FUT8: variants seen among roughly 807,000 people sequenced by gnomAD.
FUT8 encodes the protein alpha-(1,6)-fucosyltransferase.
FUT8 carries 29 observed loss-of-function variants against 71.3 expected under a neutral mutation model. The ratio of observed to expected loss-of-function variants is 0.41; its 90% CI spans 0.30 to 0.55. FUT8 has a LOEUF of 0.55. Ranked by LOEUF, FUT8 falls within the 20% of genes least tolerant of loss-of-function variation. FUT8 has a pLI of 0.34. For synonymous variants in FUT8, 254 were observed against 239.3 expected (o/e 1.06, Z -0.57); for missense variants, 544 against 702.1 (o/e 0.77, Z 2.55).
At chr14:65,363,619 C>T in the FUT8 span, among the ~76,000 whole-genome samples, 3 of 152,186 alleles carry the variant, frequency 2.0e-5, no homozygotes, top group Non-Finnish European at 4.4e-5. Flanking sequence ...GAGATGCCCT[C>T]TCTATACTGG....
At chr14:65,438,020 C>T (rs1044089071) in intron 1 of FUT8, among the ~76,000 whole-genome samples, 2 of 151,868 alleles carry the variant, frequency 1.3e-5, no homozygotes, top group African/African-American at 4.8e-5. Flanking sequence ...AAACTTTGAC[C>T]CAAACTATTT....
intron 9 of FUT8, among the ~76,000 whole-genome samples, chr14:65,724,762 G>T (rs1484681282): frequency 1.3e-5 from 2 of 152,172 alleles, no homozygotes; most frequent in Non-Finnish European, 2.9e-5. Context: ...CTCTTGGCTT[G>T]TAAGCAGCCA....
chr14:65,629,299 C>T (rs956070239), intron 5 of FUT8, among the ~76,000 whole-genome samples, 193 bp from the exon 6 acceptor site: 13 of 152,180 alleles, frequency 8.5e-5, no homozygotes, highest in African/African-American at 3.1e-4. Context: ...TGAAAATTTA[C>T]TATAGGAATG....
intron 6 of FUT8, among the ~76,000 whole-genome samples, chr14:65,641,202 T>A (rs11158605): frequency 0.63 from 95,395 of 151,950 alleles, 30,221 homozygotes; most frequent in East Asian, 0.75. Flanking sequence ...CAGGTTTAAC[T>A]CAGATCTGCT....
intron 1 of FUT8, among the ~76,000 whole-genome samples, chr14:65,437,049 C>T (rs2065572499): frequency 6.6e-6 from 1 of 152,212 alleles, no homozygotes; most frequent in African/African-American, 2.4e-5. Flanking sequence ...CCTTGGGCAT[C>T]TTGTCTAGCT....
intron 3 of FUT8, among the ~76,000 whole-genome samples, chr14:65,605,550 T>C (rs186794535): frequency 1.3e-5 from 2 of 152,104 alleles, no homozygotes; most frequent in African/African-American, 4.8e-5. Flanking sequence ...ATGTTGAGGA[T>C]ACAGTTGAGA....
At chr14:65,569,630 A>G (rs927164626) in intron 3 of FUT8, among the ~76,000 whole-genome samples, 1 of 151,920 alleles carries the variant, frequency 6.6e-6, no homozygotes, top group Non-Finnish European at 1.5e-5. Context: ...AATTTCTTAA[A>G]TAGTTATTCT....
chr14:65,525,937 T>A (rs2139883982), intron 2 of FUT8, among the ~76,000 whole-genome samples: 1 of 152,368 alleles, frequency 6.6e-6, no homozygotes, highest in African/African-American at 2.4e-5. Flanking sequence ...CAGTTTGTTA[T>A]AATTTCTGTT....
intron 7 of FUT8, among the ~76,000 whole-genome samples, chr14:65,695,088 A>G (rs983321636): frequency 1.3e-5 from 2 of 152,166 alleles, no homozygotes; most frequent in Non-Finnish European, 2.9e-5. Flanking sequence ...AGGCCAGAAT[A>G]TTGTTTAGCT....
At chr14:65,480,705 T>G (rs1274322564) in intron 2 of FUT8, among the ~76,000 whole-genome samples, 2 of 152,056 alleles carry the variant, frequency 1.3e-5, no homozygotes, top group African/African-American at 2.4e-5. Flanking sequence ...CTATTTTTTT[T>G]TTTTAAATGG....
intron 1 of FUT8, among the ~76,000 whole-genome samples, chr14:65,418,212 T>G: frequency 6.6e-6 from 1 of 152,108 alleles, no homozygotes; most frequent in Non-Finnish European, 1.5e-5. Flanking sequence ...AAAAGTAAAA[T>G]GAAAATGGGA....
chr14:65,634,894 T>C (rs1360308904), intron 6 of FUT8, among the ~76,000 whole-genome samples: 2 of 152,182 alleles, frequency 1.3e-5, no homozygotes, highest in Non-Finnish European at 2.9e-5. Flanking sequence ...TGATGGGGAT[T>C]GCATTGAATT....
chr14:65,371,408 G>C, the FUT8 span, among the ~76,000 whole-genome samples: 1 of 152,210 alleles, frequency 6.6e-6, no homozygotes, highest in Non-Finnish European at 1.5e-5. Flanking sequence ...TCAATATTTA[G>C]ATCCCATTCA....
chr14:65,438,944 C>T (rs1242522750), intron 1 of FUT8, among the ~76,000 whole-genome samples: 1 of 152,198 alleles, frequency 6.6e-6, no homozygotes, highest in Non-Finnish European at 1.5e-5. Flanking sequence ...TGTGTAAGCA[C>T]AGTTACACAT....
the FUT8 span, among the ~76,000 whole-genome samples, chr14:65,361,124 G>A: frequency 2.0e-5 from 3 of 152,198 alleles, no homozygotes; most frequent in East Asian, 1.9e-4. Context: ...TTGGGAGGCC[G>A]AGGCAGGCGG....
intron 3 of FUT8, among the ~76,000 whole-genome samples, chr14:65,594,205 A>G (rs1887840250): frequency 6.6e-6 from 1 of 152,044 alleles, no homozygotes; most frequent in Non-Finnish European, 1.5e-5. Flanking sequence ...AGAGTGTGCA[A>G]ACGAGTACAG....
At chr14:65,556,296 A>G (rs552216912) in intron 2 of FUT8, among the ~76,000 whole-genome samples, 1 of 152,324 alleles carries the variant, frequency 6.6e-6, no homozygotes, top group South Asian at 2.1e-4. Context: ...CCAAAGCTAC[A>G]GCTGTCTTGA....
chr14:65,683,318 T>G (rs1893127424), intron 7 of FUT8, among the ~76,000 whole-genome samples: 1 of 152,186 alleles, frequency 6.6e-6, no homozygotes, highest in African/African-American at 2.4e-5. Flanking sequence ...TGGCCAGGTT[T>G]CTTATTTTTA....
intron 2 of FUT8, among the ~76,000 whole-genome samples, chr14:65,510,762 C>A (rs145619733): frequency 6.6e-6 from 1 of 152,022 alleles, no homozygotes; most frequent in Non-Finnish European, 1.5e-5. Context: ...TCTGTGATAT[C>A]GGTTGTACTG....
Sources: gnomAD v4.1 joint callset for allele counts (sites outside exome capture counted in the v4.1 genomes callset) on GRCh38, gnomAD v4.1.1 for gene constraint, MANE v1.5 for transcripts, NCBI Gene and HGNC (gene_info 2026-07-23, HGNC 2026-07-21) for gene names.